The following MCM5 variants were observed in gnomAD, a reference collection of about 807,000 sequenced individuals.
MCM5 encodes DNA replication licensing factor MCM5.
A neutral mutation model predicts 79.9 loss-of-function variants in MCM5; 46 were observed. The observed-to-expected ratio is 0.58, with a 90% confidence interval of 0.45 to 0.74. MCM5 has a LOEUF of 0.74. MCM5 is among the 30% of genes least tolerant of loss of function. MCM5 has a pLI of 0.00. For synonymous variants in MCM5, 404 were observed against 390.5 expected, an observed-to-expected ratio of 1.03 and a Z score of -0.41; for missense variants, 883 against 1,017.0, an observed-to-expected ratio of 0.87 and a Z score of 1.79.
chr22:35,416,742 C>T lies in MCM5; in HGVS notation c.1518C>T (p.Phe506=), dbSNP rs746223198. 7 of 1,614,062 alleles carry T rather than the reference C, an allele frequency of 4.3e-6. No individual in the cohort carries two copies. The highest frequency in any genetic ancestry group is 5.9e-6 in the Non-Finnish European group (7 of 1,180,050). ...CGAAGGGGGAGGACAACATTGACTT[C>T]ATGCCCACCATCTTGTCGCGCTTCG... ...DETKGEDNID[F]MPTILSRFDM... The change falls in exon 12 of 17, where the codon TTC becomes TTT. Residue 506 remains phenylalanine (F), a synonymous_variant. Coordinates refer to ENST00000216122, the MANE Select transcript of MCM5 (RefSeq NM_006739.4).
intron 4 of MCM5, among the ~76,000 whole-genome samples, chr22:35,403,862 T>C (rs955746376): frequency 6.6e-6 from 1 of 152,042 alleles, no homozygotes; most frequent in Non-Finnish European, 1.5e-5. Context: ...ATGCCTCTAA[T>C]CTTAGCACTT....
At chr22:35,417,974 G>A (rs1260742480) in intron 13 of MCM5, 118 bp downstream of exon 13, 7 of 692,322 alleles carry the variant, frequency 1.0e-5, no homozygotes, top group Non-Finnish European at 1.8e-5. Flanking sequence ...TTGCTGTTCT[G>A]AGGTTCTCAG....
intron 1 of MCM5, 94 bp from the exon 2 acceptor site, chr22:35,400,337 C>CT: frequency 6.9e-7 from 1 of 1,454,254 alleles, no homozygotes; most frequent in Non-Finnish European, 9.6e-7. Context: ...GGGGGTCCCC[C>CT]TGCTCCGGAC....
At chr22:35,401,268 T>A (rs1932040683) in intron 2 of MCM5, 1 of 397,116 alleles carries the variant, frequency 2.5e-6, no homozygotes, top group Non-Finnish European at 5.3e-6. Flanking sequence ...CATCCTTCCA[T>A]GTCATGTCTG....
At chr22:35,434,118 A>G in the MCM5 span, among the ~76,000 whole-genome samples, 7,445 of 152,168 alleles carry the variant, frequency 0.049, 529 homozygotes, top group African/African-American at 0.16. Context: ...GTGCAGGCCT[A>G]ATGCTGGAGC....
At chr22:35,436,442 CTT>C in the MCM5 span, among the ~76,000 whole-genome samples, 3 of 152,322 alleles carry the variant, frequency 2.0e-5, no homozygotes, top group South Asian at 4.1e-4. Flanking sequence ...AAAGCCCTCT[CTT>C]ATGTGCAAGG....
the MCM5 span, among the ~76,000 whole-genome samples, chr22:35,436,164 CA>C: frequency 7.4e-3 from 452 of 61,026 alleles, 2 homozygotes; most frequent in African/African-American, 0.018. Context: ...AACTCAGTCT[CA>C]AAAAAAAAAA....
intron 4 of MCM5, among the ~76,000 whole-genome samples, chr22:35,406,304 C>CCCCG (rs1555903437): frequency 1.4e-5 from 2 of 144,230 alleles, no homozygotes; most frequent in African/African-American, 5.2e-5. Context: ...CCACCTCCCC[C>CCCCG]CCCAATTGTG....
chr22:35,417,284 G>GC (rs2145797252), intron 12 of MCM5, among the ~76,000 whole-genome samples: 2 of 152,302 alleles, frequency 1.3e-5, no homozygotes, highest in East Asian at 3.9e-4. Context: ...TACTTGGGCA[G>GC]CTGTTCCTCT....
intron 2 of MCM5, among the ~76,000 whole-genome samples, chr22:35,402,295 C>T (rs754369224): frequency 7.3e-5 from 11 of 151,676 alleles, no homozygotes; most frequent in Non-Finnish European, 1.2e-4. Flanking sequence ...TTTCTGCTGC[C>T]TTGGTGCCTC....
At chr22:35,410,541 C>T in intron 6 of MCM5, 1 of 572,424 alleles carries the variant, frequency 1.7e-6, no homozygotes, top group South Asian at 1.8e-5. Context: ...ACACCATCCT[C>T]CAAGCAGCTG....
At position 35,424,232 on chromosome 22, in the gene MCM5, A is replaced by C; in HGVS notation, c.2182A>C (p.Lys728Gln). 6.4e-7 allele frequency: 1 copy of C among 1,551,212 alleles called. No individual in the cohort carries two copies. The highest frequency in any genetic ancestry group is 8.7e-7 in the Non-Finnish European group (1 of 1,147,050). ...CGAGATCCAGCATCGCATGCAGCGC[A>C]AGGTTCTCTACCGCCTCAAGTGAGT... ...RGEIQHRMQR[K>Q]VLYRLK Residue 728 changes from lysine (K) to glutamine (Q), a missense_variant, in exon 17 of 17, where the codon AAG becomes CAG. By Grantham distance (53) the Lys-to-Gln change is moderately conservative. Transcript: ENST00000216122.
chr22:35,412,392 T>TGGCCCTAAG (rs370433564), intron 7 of MCM5, 118 bp from the exon 8 acceptor site: 21 of 767,966 alleles, frequency 2.7e-5, no homozygotes, highest in Middle Eastern at 4.2e-4. Flanking sequence ...TGTGCTGTCC[T>TGGCCCTAAG]GGCCCTAAGG....
chr22:35,421,338 G>A lies in MCM5; in HGVS notation c.1853G>A (p.Arg618His), dbSNP rs1601763193. The A allele has an allele frequency of 5.6e-6, 9 of 1,613,514 alleles. No individual in the cohort carries two copies. Among genetic ancestry groups the A allele is most frequent in the Non-Finnish European group, 6.8e-6 (8 of 1,179,982 alleles). The change falls in exon 15 of 17, where the codon CGC becomes CAC. Residue 618 changes from arginine to histidine, a missense_variant. Arg to His is a conservative substitution (Grantham distance 29). Transcript: ENST00000216122. ...CACAGGCAGCTGGAGGCCATTGTGC[G>A]CATCGCGGAAGCCCTCAGCAAGATG... Reference protein sequence around the residue: ...ITVRQLEAIVRIAEALSKMKL... With the variant: ...ITVRQLEAIVHIAEALSKMKL...
At chr22:35,406,857 TTAGGATTGGCACAGATC>T (rs1186833891) in intron 5 of MCM5, 132 bp downstream of exon 5, 1 of 918,824 alleles carries the variant, frequency 1.1e-6, no homozygotes, top group Non-Finnish European at 1.6e-6. Context: ...GGGTGTGCCC[TTAGGATTGGCACAGATC>T]TGATGCCCTG....
chr22:35,421,224 C>A, intron 14 of MCM5, 94 bp from the exon 15 acceptor site: 2 of 1,367,294 alleles, frequency 1.5e-6, no homozygotes, highest in Non-Finnish European at 2.0e-6. Flanking sequence ...CACAGTCTTA[C>A]CACTTTGGGC....
chr22:35,420,297 G>C (rs191668548), intron 14 of MCM5, among the ~76,000 whole-genome samples: 31 of 152,322 alleles, frequency 2.0e-4, no homozygotes, highest in Admixed American at 8.5e-4. Context: ...CCCAGGCCTG[G>C]GAGTCAAGAG....
the MCM5 span, among the ~76,000 whole-genome samples, chr22:35,453,683 AAGAC>A: frequency 1.2e-4 from 18 of 151,180 alleles, no homozygotes; most frequent in South Asian, 2.1e-3. Flanking sequence ...CAGAGACAGA[AAGAC>A]AGGGAGAGAG....
chr22:35,452,604 A>G, the MCM5 span, among the ~76,000 whole-genome samples: 1 of 152,084 alleles, frequency 6.6e-6, no homozygotes, highest in African/African-American at 2.4e-5. Flanking sequence ...AGGGCACTTC[A>G]CTTTCTGTAC....
Sources: allele counts gnomAD v4.1 joint callset (sites outside exome capture counted in the v4.1 genomes callset), GRCh38; gene constraint gnomAD v4.1.1; transcripts MANE v1.5; gene names NCBI Gene and HGNC (gene_info 2026-07-23, HGNC 2026-07-21).